The following POU2F3 variants were observed in gnomAD, a reference collection of about 807,000 sequenced individuals.
POU2F3 encodes POU class 2 homeobox 3.
Under a neutral mutation model 59.2 loss-of-function variants are expected in POU2F3, and 23 were observed. The ratio of observed to expected loss-of-function variants is 0.39; its 90% CI spans 0.28 to 0.55. The LOEUF (loss-of-function observed/expected upper bound fraction) is 0.55, where lower values mean the gene tolerates loss of function less well. Among genes scored for constraint, POU2F3 ranks in the 20% least tolerant of loss-of-function variants. The pLI is 0.66. For missense variants in POU2F3, 473 were observed against 544.5 expected (o/e 0.87, Z 1.31); for synonymous variants, 190 against 214.6 (o/e 0.89, Z 1.00).
At chr11:120,290,852 A>G (rs1354578045) in intron 3 of POU2F3, among the ~76,000 whole-genome samples, 1 of 152,264 alleles carries the variant, frequency 6.6e-6, no homozygotes. Flanking sequence ...GTGTACGTTC[A>G]GGACAGGGCA....
intron 3 of POU2F3, among the ~76,000 whole-genome samples, chr11:120,270,696 C>T (rs1940027532): frequency 6.6e-6 from 1 of 152,062 alleles, no homozygotes. Flanking sequence ...GATATGAAGT[C>T]ACTGTTTTGT....
At chr11:120,271,875 C>G (rs371103099) in intron 3 of POU2F3, among the ~76,000 whole-genome samples, 1 of 152,162 alleles carries the variant, frequency 6.6e-6, no homozygotes, top group Non-Finnish European at 1.5e-5. Flanking sequence ...AGAACAGACA[C>G]GACAGATCTT....
At chr11:120,284,832 C>T (rs1405240394) in intron 3 of POU2F3, among the ~76,000 whole-genome samples, 1 of 152,176 alleles carries the variant, frequency 6.6e-6, no homozygotes, top group Non-Finnish European at 1.5e-5. Context: ...CTAATGGGTC[C>T]TTGAGGCCGT....
intron 10 of POU2F3, among the ~76,000 whole-genome samples, chr11:120,311,072 G>T (rs1269041213): frequency 6.6e-6 from 1 of 152,136 alleles, no homozygotes; most frequent in Non-Finnish European, 1.5e-5. Flanking sequence ...AAGTACAAGG[G>T]CTGTGGAATG....
At chr11:120,254,998 T>C (rs1483969497) in intron 2 of POU2F3, 2 of 152,248 alleles carry the variant, frequency 1.3e-5, no homozygotes, top group Non-Finnish European at 2.9e-5. Context: ...TAGGTGTTCA[T>C]TTGCATGGCA....
At chr11:120,258,974 G>A (rs1355094239) in intron 2 of POU2F3, 1 of 152,220 alleles carries the variant, frequency 6.6e-6, no homozygotes, top group Non-Finnish European at 1.5e-5. Context: ...ACCTTGCTGA[G>A]GAACCTTCCC....
chr11:120,269,906 G>A (rs1939989554), intron 3 of POU2F3, among the ~76,000 whole-genome samples: 1 of 152,098 alleles, frequency 6.6e-6, no homozygotes, highest in African/African-American at 2.4e-5. Flanking sequence ...CTTGAGGTTG[G>A]AGGCTGATGG....
intron 8 of POU2F3, among the ~76,000 whole-genome samples, chr11:120,306,273 TG>T (rs1941484460): frequency 6.6e-6 from 1 of 152,136 alleles, no homozygotes; most frequent in Admixed American, 6.5e-5. Flanking sequence ...CAACCCATGC[TG>T]GTCAGGAAAG....
chr11:120,278,945 G>A (rs1477572500), intron 3 of POU2F3, among the ~76,000 whole-genome samples: 1 of 152,170 alleles, frequency 6.6e-6, no homozygotes, highest in Non-Finnish European at 1.5e-5. Context: ...CTTCTCCAAA[G>A]TGATGTCCCC....
At chr11:120,241,237 T>A (rs1189765640) in intron 1 of POU2F3, among the ~76,000 whole-genome samples, 1 of 152,324 alleles carries the variant, frequency 6.6e-6, no homozygotes, top group South Asian at 2.1e-4. Flanking sequence ...CCTAGCAACT[T>A]ACTCTCAAAG....
In POU2F3 at chr11:120,285,032, G is replaced by A. The variant is rs578111194; in HGVS notation, c.133-13233G>A. ...GAACTAAATATATTCCATTTTTATCGTTCAAGATTTTGCATTTTTGGTGTT... is the reference window on the plus strand; with the variant it reads ...GAACTAAATATATTCCATTTTTATCATTCAAGATTTTGCATTTTTGGTGTT... On this transcript the variant is annotated intron_variant, in intron 3 of 12. Coordinates refer to ENST00000543440, the MANE Select transcript of POU2F3 (RefSeq NM_014352.4). This position sits in a 1 kb window ranked among gnomAD's most constrained non-coding sequence, Gnocchi z 4.3. Among the ~76,000 whole-genome samples the A allele has an allele frequency of 8.5e-5, 13 of 152,198 alleles. No individual in the cohort carries two copies. The highest frequency in any genetic ancestry group is 8.3e-4 in the South Asian group (4 of 4,814).
intron 2 of POU2F3, among the ~76,000 whole-genome samples, chr11:120,261,807 G>A (rs1335854186): frequency 1.3e-5 from 2 of 152,216 alleles, no homozygotes; most frequent in Non-Finnish European, 2.9e-5. Flanking sequence ...AGCAGATGGA[G>A]GGAATTTGGG....
At chr11:120,277,231 C>T (rs1381873754) in intron 3 of POU2F3, among the ~76,000 whole-genome samples, 1 of 150,368 alleles carries the variant, frequency 6.7e-6, no homozygotes, top group East Asian at 2.0e-4. Flanking sequence ...GCAGAGGTTA[C>T]AGTGAGCCGA....
chr11:120,297,909 T>C (rs989858064), intron 3 of POU2F3, among the ~76,000 whole-genome samples: 3 of 151,358 alleles, frequency 2.0e-5, no homozygotes, highest in African/African-American at 7.3e-5. Context: ...TAGCTGGGAC[T>C]ATAGGCATGT....
chr11:120,309,858 G>A (rs1175165320), intron 10 of POU2F3, among the ~76,000 whole-genome samples: 1 of 152,166 alleles, frequency 6.6e-6, no homozygotes, highest in South Asian at 2.1e-4. Context: ...ATATCTGGGG[G>A]AATGAATGTT....
chr11:120,258,990 C>T (rs1330357410), intron 2 of POU2F3: 1 of 152,208 alleles, frequency 6.6e-6, no homozygotes, highest in Non-Finnish European at 1.5e-5. Flanking sequence ...TTCCCTTTCT[C>T]AAAAAATGAC....
At chr11:120,288,756 C>A (rs1940910485) in intron 3 of POU2F3, among the ~76,000 whole-genome samples, 1 of 133,298 alleles carries the variant, frequency 7.5e-6, no homozygotes, top group African/African-American at 2.7e-5. Flanking sequence ...ACAAAGAGAT[C>A]AATTCCAAGT....
intron 3 of POU2F3, among the ~76,000 whole-genome samples, chr11:120,296,652 G>A (rs991159134): frequency 6.6e-6 from 1 of 152,072 alleles, no homozygotes; most frequent in Non-Finnish European, 1.5e-5. Context: ...GTGGTATCTG[G>A]TTTTCTGTTC....
chr11:120,300,978 G>A, intron 5 of POU2F3: 1 of 453,446 alleles, frequency 2.2e-6, no homozygotes, highest in South Asian at 1.6e-5. Context: ...GTTTATTTTG[G>A]TTAAAAAATA....
Sources: allele counts gnomAD v4.1 joint callset (sites outside exome capture counted in the v4.1 genomes callset), GRCh38; gene constraint gnomAD v4.1.1; non-coding constraint Gnocchi (gnomAD v3.1); transcripts MANE v1.5; gene names NCBI Gene and HGNC (gene_info 2026-07-23, HGNC 2026-07-21).